Variants in CIDEB observed in about 807,000 individuals in gnomAD.
CIDEB encodes the protein lipid transferase CIDEB.
A neutral mutation model predicts 22.4 loss-of-function variants in CIDEB; 27 were observed. The ratio of observed to expected loss-of-function variants is 1.21; its 90% confidence interval spans 0.89 to 1.66. CIDEB has a LOEUF of 1.66. CIDEB is among the 40% of genes most tolerant of loss of function. The pLI, the probability that CIDEB is intolerant of heterozygous loss-of-function variation, is 0.00. For missense variants in CIDEB, 289 were observed against 268.7 expected (o/e 1.08, Z -0.53); for synonymous variants, 103 against 109.5 (o/e 0.94, Z 0.37).
upstream of CIDEB, chr14:24,310,681 G>A (rs2041663551): frequency 5.0e-6 from 8 of 1,613,904 alleles, no homozygotes; most frequent in Middle Eastern, 1.6e-4. Flanking sequence ...GTCTGCTACC[G>A]TCCCCCAGGG....
chr14:24,306,330 C>G (rs757470795), intron 3 of CIDEB, 44 bp downstream of exon 3: 4 of 1,613,064 alleles, frequency 2.5e-6, no homozygotes, highest in Non-Finnish European at 3.4e-6. Flanking sequence ...CGGGAAAGCT[C>G]TAAAGGACAG....
upstream of CIDEB, chr14:24,310,602 G>A: frequency 6.5e-7 from 1 of 1,528,134 alleles, no homozygotes; most frequent in Non-Finnish European, 9.1e-7. Flanking sequence ...ATCACAGGTG[G>A]GGTTTTGCCC....
chr14:24,311,203 C>A (rs2041691178), upstream of CIDEB: 2 of 1,608,686 alleles, frequency 1.2e-6, no homozygotes, highest in East Asian at 4.5e-5. Flanking sequence ...CACGCCGCCG[C>A]CCACCTGAGC....
At chr14:24,311,275 C>T (rs770670842), upstream of CIDEB, 85 of 1,597,088 alleles carry the variant, frequency 5.3e-5, 1 homozygote, top group South Asian at 9.4e-4. Flanking sequence ...TACAGCGTGA[C>T]GCTGGCACGG....
chr14:24,308,890 T>C (rs1391237539), upstream of CIDEB: 2 of 152,226 alleles, frequency 1.3e-5, no homozygotes. Context: ...GCATTTCCCC[T>C]GCAGGCTTGA....
upstream of CIDEB, chr14:24,311,003 C>T: frequency 6.3e-7 from 1 of 1,586,946 alleles, no homozygotes; most frequent in Admixed American, 1.7e-5. Context: ...TGCTCACCGG[C>T]CTGCTCAGCC....
chr14:24,309,174 C>T (rs1385977455), upstream of CIDEB: 1 of 152,234 alleles, frequency 6.6e-6, no homozygotes, highest in Non-Finnish European at 1.5e-5. Context: ...CTCAGAGGTT[C>T]CCAAGGCCTA....
intron 2 of CIDEB, chr14:24,306,990 GTAT>G (rs760111355): frequency 4.2e-4 from 102 of 245,220 alleles, no homozygotes; most frequent in Non-Finnish European, 5.6e-4. Flanking sequence ...AGGAGGTGAT[GTAT>G]TATTATTGCC....
At chr14:24,308,122 A>G (rs1021562029), upstream of CIDEB, 12 of 541,886 alleles carry the variant, frequency 2.2e-5, no homozygotes, top group African/African-American at 2.1e-4. Flanking sequence ...GTCTTTGGTG[A>G]TGACATGTGT....
In CIDEB at chr14:24,307,830, CTG is replaced by C. The variant is rs752220268; in HGVS notation, c.27_28del (p.Ser10Ter). 14 of 1,595,834 alleles carry C rather than the reference CTG, an allele frequency of 8.8e-6. No homozygotes were observed. The South Asian group carries it at 1.5e-4, about 17-fold the overall frequency. On this transcript the variant is annotated frameshift_variant, in exon 1 of 5. Transcript: ENST00000554411. LOFTEE classifies it high-confidence loss of function. ...GGTTAGCAGTCACCTGAGTAAGTCA[CTG>C]GGGTTCAGAGCTGAGAGGTACTCCA...
At chr14:24,311,219 G>T (rs760791457), upstream of CIDEB, 1 of 1,609,264 alleles carries the variant, frequency 6.2e-7, no homozygotes, top group Non-Finnish European at 8.5e-7. Context: ...TGAGCCTGGA[G>T]ACTCTGACCG....
chr14:24,311,034 A>G, upstream of CIDEB: 1 of 1,578,214 alleles, frequency 6.3e-7, no homozygotes, highest in East Asian at 2.4e-5. Flanking sequence ...CCTCGCAGTC[A>G]CCCGCCCCTT....
chr14:24,308,114 C>A (rs1457338606), upstream of CIDEB: 1 of 551,666 alleles, frequency 1.8e-6, no homozygotes, highest in African/African-American at 1.9e-5. Context: ...GTATGTGTGT[C>A]TTTGGTGATG....
At chr14:24,310,952 G>T (rs200978710), upstream of CIDEB, 7 of 1,592,090 alleles carry the variant, frequency 4.4e-6, no homozygotes, top group East Asian at 1.6e-4. Context: ...GCTGCAAGGC[G>T]GTGTACTACG....
rs755772323 is a variant in CIDEB at position 24,307,868 on chromosome 14, GA to G, written c.-11del. On this transcript the variant is annotated 5_prime_UTR_variant, in exon 1 of 5. Transcript: ENST00000554411. The stretch of plus-strand genomic sequence containing the variant: ...CTGAGAGGTACTCCATGGTGGACCG[GA>G]GAGTTCCTTCCCTGGAACTTCTGGG... 5.7e-6 allele frequency: 9 copies of G among 1,585,326 alleles called. No individual in the cohort carries two copies. The highest frequency in any genetic ancestry group is 1.7e-4 in the Middle Eastern group (1 of 6,024).
At position 24,306,418 on chromosome 14, in the gene CIDEB, A is replaced by G. The variant is rs764593630; in HGVS notation, c.292T>C (p.Cys98Arg). ...DFFQLLEDDTCLMVLQSGQSW... is the reference protein window; with the variant it reads ...DFFQLLEDDTRLMVLQSGQSW... ...TGACCAGACTGCAACACCATCAGGC[A>G]CGTGTCATCCTCCAGCAGCTGGAAG... The change falls in exon 3 of 5, where the codon TGC becomes CGC. Residue 98 changes from cysteine to arginine, a missense_variant. Physicochemically the swap from Cys to Arg is radical, Grantham distance 180 (BLOSUM62 -3). Transcript: ENST00000554411. 9.3e-6 allele frequency: 15 copies of G among 1,614,110 alleles called. No individual in the cohort carries two copies. The highest frequency in any genetic ancestry group is 5.0e-5 in the Admixed American group (3 of 60,010).
upstream of CIDEB, chr14:24,311,388 G>A (rs1350066285): frequency 1.9e-6 from 3 of 1,602,764 alleles, no homozygotes; most frequent in Non-Finnish European, 2.5e-6. Context: ...CCCCTACCAC[G>A]CAGTCAACCT....
Position 24,305,502 on chromosome 14 carries a change from G to A in CIDEB, c.*131C>T. On this transcript the variant is annotated 3_prime_UTR_variant, in exon 5 of 5. Transcript: ENST00000554411. ...ATGCTGAAAGGTTCTGTCACGAGGGGATCAGAGGACAGTGGGGAAATTGGG... is the reference window on the plus strand; with the variant it reads ...ATGCTGAAAGGTTCTGTCACGAGGGAATCAGAGGACAGTGGGGAAATTGGG... 3.6e-6 allele frequency: 4 copies of A among 1,108,408 alleles called. No individual in the cohort carries two copies. Among genetic ancestry groups the A allele is most frequent in the Non-Finnish European group, 5.2e-6 (4 of 771,704 alleles). The allele number at this position is 1,108,408 out of a possible 1,614,324, so 68.7% of individuals were successfully genotyped here.
Position 24,306,032 on chromosome 14 carries a change from C to T in CIDEB, c.442G>A (p.Gly148Ser). ...VYKQNPRDLF[G>S]SLNVKATFYG... The stretch of plus-strand genomic sequence containing the variant: ...AATGTGGCTTTGACATTCAGGCTGC[C>T]AAAGAGGTCTCGAGGGTTTTGCTTG... The change falls in exon 4 of 5, where the codon GGC (glycine) becomes AGC (serine). Residue 148 changes from glycine to serine, a missense_variant. Physicochemically the swap from Gly to Ser is moderately conservative, Grantham distance 56. Transcript: ENST00000554411. The T allele has an allele frequency of 1.2e-6, 2 of 1,614,162 alleles. No homozygotes were observed. Among genetic ancestry groups the T allele is most frequent in the East Asian group, 2.2e-5 (1 of 44,882 alleles).
Sources: gnomAD v4.1 joint callset for allele counts on GRCh38, gnomAD v4.1.1 for gene constraint, MANE v1.5 for transcripts, NCBI Gene and HGNC (gene_info 2026-07-23, HGNC 2026-07-21) for gene names.